Variants in MAPT observed in about 807,000 individuals in gnomAD.
MAPT encodes the protein microtubule-associated protein tau.
Under a neutral mutation model 67.9 loss-of-function variants are expected in MAPT, and 34 were observed. The observed-to-expected ratio is 0.50, with a 90% CI of 0.38 to 0.67. MAPT has a LOEUF of 0.67. Among genes scored for constraint, MAPT ranks in the 30% least tolerant of loss-of-function variants. The pLI is 0.00. For missense variants in MAPT, 881 were observed against 1,115.2 expected (o/e 0.79, Z 2.99); for synonymous variants, 456 against 464.5 (o/e 0.98, Z 0.23).
chr17:45,926,697 G>A (rs2066326781), intron 1 of MAPT, among the ~76,000 whole-genome samples: 1 of 152,072 alleles, frequency 6.6e-6, no homozygotes, highest in Admixed American at 6.6e-5. Flanking sequence ...CAGAGTGTGT[G>A]GTGTGATGGT....
Position 45,983,276 on chromosome 17 carries a change from C to A in MAPT, c.697C>A (p.Leu233Ile). The change falls in exon 5 of 13, where the codon CTC becomes ATC. Residue 233 changes from leucine (L) to isoleucine (I), a missense_variant. By Grantham distance (5) the Leu-to-Ile change is conservative. Around this residue, in one of 6 missense-constraint regions of MAPT, gnomAD observed 687 missense variants for 766.1 expected, o/e 0.90. Transcript: ENST00000262410. ...QLMSGMPGAPLLPEGPREATR... is the reference protein window; with the variant it reads ...QLMSGMPGAPILPEGPREATR... ...CATGTCCGGCATGCCTGGGGCTCCCCTCCTGCCTGAGGGCCCCAGAGAGGC... is the reference window on the plus strand; with the variant it reads ...CATGTCCGGCATGCCTGGGGCTCCCATCCTGCCTGAGGGCCCCAGAGAGGC... 6.3e-7 allele frequency: 1 copy of A among 1,598,890 alleles called. No homozygotes were observed. The highest frequency in any genetic ancestry group is 2.3e-5 in the East Asian group (1 of 44,304).
intron 9 of MAPT, among the ~76,000 whole-genome samples, chr17:46,005,237 A>C (rs17573593): frequency 0.14 from 21,803 of 152,270 alleles, 2,133 homozygotes; most frequent in Non-Finnish European, 0.22. Flanking sequence ...AGGAGAGTTA[A>C]ATAACCCATG....
intron 1 of MAPT, among the ~76,000 whole-genome samples, chr17:45,952,548 G>T (rs1367389632): frequency 6.6e-6 from 1 of 152,216 alleles, no homozygotes; most frequent in African/African-American, 2.4e-5. Context: ...ACTTTGGGAG[G>T]CCAAGGCAGG....
chr17:45,918,049 C>CAG (rs2065361563), intron 1 of MAPT, among the ~76,000 whole-genome samples: 1 of 152,200 alleles, frequency 6.6e-6, no homozygotes, highest in African/African-American at 2.4e-5. Context: ...GCTGGGATTA[C>CAG]AGGCATGAGC....
chr17:45,939,174 G>A (rs1450870639), intron 1 of MAPT, among the ~76,000 whole-genome samples: 1 of 151,990 alleles, frequency 6.6e-6, no homozygotes, highest in African/African-American at 2.4e-5. Context: ...GTCTAGGCTG[G>A]TCTTGAACTC....
intron 1 of MAPT, among the ~76,000 whole-genome samples, chr17:45,905,665 G>T (rs1055375704): frequency 5.9e-5 from 9 of 152,154 alleles, no homozygotes; most frequent in Admixed American, 5.2e-4. Flanking sequence ...GCTTAGGGTT[G>T]CCAAGCCCTG....
chr17:45,993,535 T>A (rs1414728377), intron 8 of MAPT, among the ~76,000 whole-genome samples: 1 of 152,228 alleles, frequency 6.6e-6, no homozygotes, highest in Non-Finnish European at 1.5e-5. Flanking sequence ...TGCCTCAGCC[T>A]CCTGAGTAGC....
At chr17:45,955,051 A>T (rs2069480417) in intron 1 of MAPT, among the ~76,000 whole-genome samples, 1 of 152,206 alleles carries the variant, frequency 6.6e-6, no homozygotes, top group Non-Finnish European at 1.5e-5. Context: ...AGTAGAACAA[A>T]TTTTCTAGAG....
chr17:46,006,795 C>T (rs1005557081), intron 9 of MAPT, among the ~76,000 whole-genome samples: 19 of 151,726 alleles, frequency 1.3e-4, no homozygotes, highest in African/African-American at 4.1e-4. Flanking sequence ...TGGTGGTGGG[C>T]GCCTGTAGTC....
At position 46,024,188 on chromosome 17, in the gene MAPT, G is replaced by T. The variant is rs776856460; in HGVS notation, c.*17G>T. On this transcript the variant is annotated 3_prime_UTR_variant, in exon 13 of 13. Coordinates refer to ENST00000262410, the MANE Select transcript of MAPT (RefSeq NM_001377265.1). ...GGTTTGTGATCAGGCCCCTGGGGCG[G>T]TCAATAATTGTGGAGAGGAGAGAAT... 6.2e-7 allele frequency: 1 copy of T among 1,607,426 alleles called. No individual in the cohort carries two copies.
At chr17:45,899,048 C>T (rs2063456394) in intron 1 of MAPT, among the ~76,000 whole-genome samples, 2 of 152,130 alleles carry the variant, frequency 1.3e-5, no homozygotes, top group South Asian at 2.1e-4. Flanking sequence ...TTGGGGGGCA[C>T]CTCAGCAGGT....
intron 1 of MAPT, among the ~76,000 whole-genome samples, chr17:45,900,536 G>A (rs1031794731): frequency 1.3e-5 from 2 of 152,188 alleles, no homozygotes; most frequent in African/African-American, 4.8e-5. Flanking sequence ...TCCATGCTGA[G>A]CCCAATCAGG....
intron 12 of MAPT, among the ~76,000 whole-genome samples, chr17:46,019,127 G>A (rs2076362098): frequency 1.3e-5 from 2 of 152,118 alleles, no homozygotes; most frequent in African/African-American, 4.8e-5. Flanking sequence ...CCACATGGCT[G>A]GGGAGGCCTC....
intron 1 of MAPT, among the ~76,000 whole-genome samples, chr17:45,907,045 C>A (rs1009219948): frequency 6.6e-6 from 1 of 152,214 alleles, no homozygotes; most frequent in Non-Finnish European, 1.5e-5. Flanking sequence ...CCCAGAGCAA[C>A]CCCGTCACCT....
intron 2 of MAPT, among the ~76,000 whole-genome samples, chr17:45,964,469 C>T (rs539196884): frequency 1.4e-3 from 217 of 151,252 alleles, no homozygotes; most frequent in African/African-American, 5.1e-3. Context: ...TGCTTGAGCC[C>T]AGGAGTTCCA....
In MAPT at chr17:45,966,944, A is replaced by G. The variant is rs1276331733; in HGVS notation, c.133+4474A>G. ...AAAGCAAGTAATACTTAAGGTGTTC[A>G]TAATCCTCATCAAATTAATTCTTGC... On this transcript the variant is annotated intron_variant, in intron 2 of 12. Transcript: ENST00000262410. Among the ~76,000 whole-genome samples the G allele has an allele frequency of 2.0e-5, 3 of 152,256 alleles. No individual in the cohort carries two copies. In the East Asian group the frequency reaches 5.8e-4, roughly 29 times the overall value.
chr17:45,983,731 C>A lies in MAPT; in HGVS notation c.1152C>A (p.Pro384=), dbSNP rs777644544. Residue 384 remains proline, a synonymous_variant, in exon 5 of 13, where the codon CCC becomes CCA. Transcript: ENST00000262410. ...LEFTFHVEIT[P]NVQKEQAHSE... ...TCACGTTTCACGTGGAAATCACACC[C>A]AACGTGCAGAAGGAGCAGGCGCACT... 1 of 1,614,066 alleles carries A rather than the reference C, an allele frequency of 6.2e-7. No homozygotes were observed. The highest frequency in any genetic ancestry group is 1.3e-5 in the African/African-American group (1 of 74,944).
intron 1 of MAPT, among the ~76,000 whole-genome samples, chr17:45,909,865 G>A (rs551689859): frequency 1.5e-5 from 1 of 67,892 alleles, no homozygotes; most frequent in East Asian, 3.5e-4. Context: ...GCAAGACTCT[G>A]TCTCAAAAAA....
intron 1 of MAPT, among the ~76,000 whole-genome samples, chr17:45,911,654 C>T (rs1219662560): frequency 6.6e-6 from 1 of 152,060 alleles, no homozygotes; most frequent in East Asian, 1.9e-4. Flanking sequence ...GTCCCAGCTA[C>T]TCAGGAGGCT....
Sources: allele counts gnomAD v4.1 joint callset (sites outside exome capture counted in the v4.1 genomes callset), GRCh38; gene constraint gnomAD v4.1.1; regional missense constraint gnomAD v4.1.1; transcripts MANE v1.5; gene names NCBI Gene and HGNC (gene_info 2026-07-23, HGNC 2026-07-21).